Variants in ARL15 observed in about 807,000 individuals in gnomAD.
ARL15 encodes ARF like GTPase 15, also known as ADP-ribosylation factor-like protein 15.
Under a neutral mutation model 25.2 loss-of-function variants are expected in ARL15, and 19 were observed. The observed-to-expected ratio is 0.75, with a 90% confidence interval of 0.53 to 1.10. The LOEUF is 1.10. Ranked by LOEUF, ARL15 falls within the 50% of genes least tolerant of loss-of-function variation. The pLI, the probability that ARL15 is intolerant of heterozygous loss-of-function variation, is 0.00. For synonymous variants in ARL15, 94 were observed against 86.8 expected (o/e 1.08, Z -0.46); for missense variants, 220 against 246.0 (o/e 0.89, Z 0.71).
chr5:54,098,724 CTAAG>C (rs1479096346), intron 4 of ARL15, among the ~76,000 whole-genome samples: 1 of 152,124 alleles, frequency 6.6e-6, no homozygotes, highest in Non-Finnish European at 1.5e-5. Flanking sequence ...CATTTTTTAA[CTAAG>C]TAATTTGTTT....
intron 1 of ARL15, among the ~76,000 whole-genome samples, chr5:54,277,846 T>C (rs988669010): frequency 3.3e-5 from 5 of 152,234 alleles, no homozygotes; most frequent in Admixed American, 6.5e-5. Context: ...TCTGTAACCA[T>C]GCAGGACATT....
At chr5:54,005,883 C>CAAAA (rs1491268003) in intron 4 of ARL15, among the ~76,000 whole-genome samples, 39,979 of 146,212 alleles carry the variant, frequency 0.27, 5,687 homozygotes, top group East Asian at 0.45. Flanking sequence ...ACCAAAAAAA[C>CAAAA]CCAAAAATAG....
rs144577176 is a variant in ARL15, at chr5:54,299,147, C to T, written c.48+11285G>A. On this transcript the variant is annotated intron_variant, in intron 1 of 4. Transcript: ENST00000504924. ...AAACACCTGGCCCCAAGTGATCCTC[C>T]CGCCTTGGCCTCCAAAAGTGCTGAG... is the stretch of plus-strand genomic sequence containing the variant. Among the ~76,000 whole-genome samples the T allele has an allele frequency of 3.3e-3, 501 of 152,216 alleles. 1 individual carries two copies. Among genetic ancestry groups the T allele is most frequent in the Admixed American group, 7.1e-3 (108 of 15,284 alleles).
chr5:54,145,487 A>G (rs1278696914), intron 3 of ARL15, among the ~76,000 whole-genome samples: 2 of 152,244 alleles, frequency 1.3e-5, no homozygotes. Context: ...CCTCTTCAAC[A>G]GTTGTCGAGT....
At chr5:53,983,924 A>C (rs947595184) in intron 4 of ARL15, among the ~76,000 whole-genome samples, 4 of 151,658 alleles carry the variant, frequency 2.6e-5, no homozygotes, top group Non-Finnish European at 5.9e-5. Context: ...GACAGCCCGC[A>C]CTCCCGCAGT....
At chr5:53,999,816 A>C (rs1252386170) in intron 4 of ARL15, among the ~76,000 whole-genome samples, 1 of 151,994 alleles carries the variant, frequency 6.6e-6, no homozygotes, top group East Asian at 1.9e-4. Flanking sequence ...GAATCTCCTG[A>C]ACCGGGAGGT....
chr5:54,112,431 CA>C (rs1294817563), intron 4 of ARL15, among the ~76,000 whole-genome samples: 20 of 152,220 alleles, frequency 1.3e-4, no homozygotes, highest in Non-Finnish European at 2.6e-4. Context: ...CTTGAGGAAG[CA>C]TGCAATTTTC....
At chr5:54,111,784 C>T (rs899072722) in intron 4 of ARL15, among the ~76,000 whole-genome samples, 2 of 152,038 alleles carry the variant, frequency 1.3e-5, no homozygotes, top group Non-Finnish European at 2.9e-5. Flanking sequence ...AATAACAATG[C>T]ATTCTCAGCA....
intron 1 of ARL15, among the ~76,000 whole-genome samples, chr5:54,306,131 C>T (rs563058890): frequency 2.0e-5 from 3 of 152,106 alleles, no homozygotes; most frequent in Non-Finnish European, 1.5e-5. Flanking sequence ...GGGTTCATCC[C>T]GCATGACTTT....
intron 3 of ARL15, among the ~76,000 whole-genome samples, chr5:54,118,923 C>T (rs1473377220): frequency 6.6e-6 from 1 of 152,338 alleles, no homozygotes; most frequent in African/African-American, 2.4e-5. Flanking sequence ...CAGTTGCCCT[C>T]TCCTCACCTT....
rs1010166599 is a variant in ARL15, at chr5:54,302,712, T to C, written c.48+7720A>G. Among the ~76,000 whole-genome samples, 12 of 136,586 alleles carry C rather than the reference T, an allele frequency of 8.8e-5. 1 individual carries two copies. The highest frequency in any genetic ancestry group is 4.4e-4 in the South Asian group (2 of 4,536). 89.6% of individuals were successfully genotyped at this position (136,586 alleles called of 152,430 possible). A position where few individuals can be genotyped will look rare whatever the true frequency, so the allele number is the denominator to read the frequency against. On this transcript the variant is annotated intron_variant, in intron 1 of 4. Transcript: ENST00000504924. ...TTTTTTTTTTTTTTTTTTTTTTTTT[T>C]CCAGGATGGGGACCAAAGAGCAGTA...
intron 4 of ARL15, among the ~76,000 whole-genome samples, chr5:53,924,249 AT>A (rs1745949571): frequency 6.6e-6 from 1 of 152,170 alleles, no homozygotes; most frequent in South Asian, 2.1e-4. Flanking sequence ...AAAAGCATTC[AT>A]TTGGTGTTGT....
intron 4 of ARL15, among the ~76,000 whole-genome samples, chr5:54,108,975 T>A (rs566849580): frequency 2.8e-4 from 43 of 151,986 alleles, no homozygotes; most frequent in Non-Finnish European, 5.7e-4. Flanking sequence ...TAAAACATGG[T>A]CTAAAAAACC....
intron 4 of ARL15, among the ~76,000 whole-genome samples, chr5:54,044,713 G>T (rs1750453393): frequency 6.6e-6 from 1 of 152,114 alleles, no homozygotes; most frequent in South Asian, 2.1e-4. Context: ...TTAAATAACA[G>T]TTTTTTGTGT....
intron 1 of ARL15, among the ~76,000 whole-genome samples, chr5:54,250,517 C>T (rs1215132622): frequency 6.6e-6 from 1 of 152,138 alleles, no homozygotes; most frequent in Non-Finnish European, 1.5e-5. Context: ...CCTGATTGTG[C>T]AGTCTCTGAA....
chr5:53,886,443 T>C lies in ARL15; in HGVS notation c.*118A>G. The C allele has an allele frequency of 9.0e-6, 10 of 1,114,450 alleles. No individual in the cohort carries two copies. Among genetic ancestry groups the C allele is most frequent in the Non-Finnish European group, 1.2e-5 (10 of 803,382 alleles). 69.0% of individuals were successfully genotyped at this position (1,114,450 alleles called of 1,614,324 possible). On this transcript the variant is annotated 3_prime_UTR_variant, in exon 5 of 5. Coordinates refer to ENST00000504924, the MANE Select transcript of ARL15 (RefSeq NM_019087.3). ...TTAATAGAGAGATGAGAGTCTGAAA[T>C]GACCAGAGGAAAATAGATACTGAAG...
At chr5:54,237,482 T>C (rs1579939431) in intron 1 of ARL15, among the ~76,000 whole-genome samples, 1 of 152,226 alleles carries the variant, frequency 6.6e-6, no homozygotes, top group East Asian at 1.9e-4. Flanking sequence ...TGACAATGCA[T>C]GATCAGACAG....
At chr5:54,111,740 T>C (rs892260923) in intron 4 of ARL15, among the ~76,000 whole-genome samples, 3 of 152,102 alleles carry the variant, frequency 2.0e-5, no homozygotes, top group Non-Finnish European at 4.4e-5. Context: ...AGTGTACACA[T>C]ACATATTACA....
intron 1 of ARL15, among the ~76,000 whole-genome samples, chr5:54,247,784 C>G (rs1757129128): frequency 6.6e-6 from 1 of 151,912 alleles, no homozygotes; most frequent in African/African-American, 2.4e-5. Flanking sequence ...ATATAACATA[C>G]TAATTTATGG....
Sources: gnomAD v4.1 joint callset for allele counts (sites outside exome capture counted in the v4.1 genomes callset) on GRCh38, gnomAD v4.1.1 for gene constraint, MANE v1.5 for transcripts, NCBI Gene and HGNC (gene_info 2026-07-23, HGNC 2026-07-21) for gene names.